SYT1: variants seen among roughly 807,000 people sequenced by gnomAD.
SYT1 encodes synaptotagmin 1, also known as synaptotagmin-1.
A neutral mutation model predicts 44.8 loss-of-function variants in SYT1; 8 were observed. That is an observed-to-expected ratio of 0.18 (90% CI 0.10 to 0.32). The LOEUF is 0.32. Among genes scored for constraint, SYT1 ranks in the 10% least tolerant of loss-of-function variants. The pLI is 1.00. For missense variants in SYT1, 286 were observed against 509.3 expected (o/e 0.56, Z 4.22); for synonymous variants, 154 against 188.8 (o/e 0.82, Z 1.51).
chr12:79,093,717 A>G lies in SYT1; in HGVS notation c.-18+46355A>G, dbSNP rs553825516. On this transcript the variant is annotated intron_variant, in intron 3 of 10. Transcript: ENST00000261205. ...TAAACTAGAATAATTATTTTTCTTC[A>G]ACAACAAAAAATCCTTATGCCTTCC... 4.6e-4 allele frequency among the ~76,000 whole-genome samples: 70 copies of G among 151,644 alleles called. No homozygotes were observed. The South Asian group carries it at 0.013, about 29-fold the overall frequency.
At chr12:78,877,478 C>G (rs1192123470) in intron 1 of SYT1, among the ~76,000 whole-genome samples, 2 of 151,558 alleles carry the variant, frequency 1.3e-5, no homozygotes, top group African/African-American at 4.8e-5. Flanking sequence ...TCCAGTAACT[C>G]TATATTTTCT....
intron 9 of SYT1, among the ~76,000 whole-genome samples, chr12:79,384,653 C>T (rs1177231357): frequency 6.6e-6 from 1 of 152,138 alleles, no homozygotes; most frequent in Non-Finnish European, 1.5e-5. Context: ...TTGACACTCT[C>T]ACCTGGGAGA....
At chr12:79,382,821 A>G (rs1054345360) in intron 9 of SYT1, among the ~76,000 whole-genome samples, 1 of 152,214 alleles carries the variant, frequency 6.6e-6, no homozygotes, top group Non-Finnish European at 1.5e-5. Context: ...ATAAAAATAT[A>G]GTGCAGTCCC....
intron 3 of SYT1, among the ~76,000 whole-genome samples, chr12:79,082,237 T>C (rs1359487821): frequency 6.6e-6 from 1 of 152,196 alleles, no homozygotes; most frequent in Non-Finnish European, 1.5e-5. Context: ...AAAATGTTTG[T>C]GGGTTGGTGT....
At chr12:78,948,167 T>C (rs1248508637) in intron 1 of SYT1, among the ~76,000 whole-genome samples, 1 of 151,750 alleles carries the variant, frequency 6.6e-6, no homozygotes, top group Non-Finnish European at 1.5e-5. Context: ...TATAACTCAG[T>C]ATATTAAAGG....
chr12:79,360,919 C>A (rs965700520), intron 9 of SYT1, among the ~76,000 whole-genome samples: 2 of 152,122 alleles, frequency 1.3e-5, no homozygotes, highest in African/African-American at 4.8e-5. Flanking sequence ...GCACAGTTAT[C>A]CACAGAATGG....
At chr12:79,157,698 C>T (rs1870688140) in intron 3 of SYT1, among the ~76,000 whole-genome samples, 1 of 152,120 alleles carries the variant, frequency 6.6e-6, no homozygotes, top group Admixed American at 6.6e-5. Flanking sequence ...GAAAGACTGG[C>T]TTTATAATTG....
At chr12:79,064,981 A>AAAGG (rs1875717655) in intron 3 of SYT1, among the ~76,000 whole-genome samples, 1 of 147,180 alleles carries the variant, frequency 6.8e-6, no homozygotes, top group Non-Finnish European at 1.5e-5. Context: ...AGAAAGAAAG[A>AAAGG]AAGAAAGAAA....
chr12:78,885,435 T>C (rs1874694181), intron 1 of SYT1, among the ~76,000 whole-genome samples: 2 of 151,894 alleles, frequency 1.3e-5, no homozygotes, highest in Admixed American at 6.6e-5. Flanking sequence ...ATAAGCTTTA[T>C]TTTCATGATT....
At chr12:79,269,857 G>A (rs980126689) in intron 4 of SYT1, among the ~76,000 whole-genome samples, 2 of 152,118 alleles carry the variant, frequency 1.3e-5, no homozygotes, top group Non-Finnish European at 1.5e-5. Context: ...CCAAGAATTG[G>A]TAGTCTTTGA....
At chr12:79,075,135 T>G (rs1876555328) in intron 3 of SYT1, among the ~76,000 whole-genome samples, 1 of 152,184 alleles carries the variant, frequency 6.6e-6, no homozygotes, top group African/African-American at 2.4e-5. Context: ...ATATGTCTAA[T>G]CTCTTTAATT....
At chr12:79,277,499 A>G (rs1019740171) in intron 4 of SYT1, among the ~76,000 whole-genome samples, 3 of 152,182 alleles carry the variant, frequency 2.0e-5, no homozygotes. Context: ...GACTACCTCT[A>G]CAAGAAATGC....
At chr12:79,335,676 A>G (rs984312885) in intron 8 of SYT1, among the ~76,000 whole-genome samples, 2 of 151,680 alleles carry the variant, frequency 1.3e-5, no homozygotes, top group Admixed American at 6.6e-5. Context: ...CCCAATGACA[A>G]CCTCTTTTTA....
At chr12:79,125,451 CAAAAA>C (rs61296536) in intron 3 of SYT1, among the ~76,000 whole-genome samples, 2 of 99,042 alleles carry the variant, frequency 2.0e-5, no homozygotes, top group African/African-American at 7.7e-5. Flanking sequence ...ACTGTCTCTA[CAAAAA>C]AAAAAAAAAA....
At position 79,449,652 on chromosome 12, in the gene SYT1, TC is replaced by T. The variant is rs1330949557; in HGVS notation, c.*529del. On this transcript the variant is annotated 3_prime_UTR_variant, in exon 11 of 11. Coordinates refer to ENST00000261205, the MANE Select transcript of SYT1 (RefSeq NM_005639.3). ...TAAAGGACAACTTAAACCTGAGCTT[TC>T]TATTGAATCATTTGAGTACCAAGAT... 2 of 152,772 alleles carry T rather than the reference TC, an allele frequency of 1.3e-5. No homozygotes were observed. The highest frequency in any genetic ancestry group is 2.9e-5 in the Non-Finnish European group (2 of 68,272). 9.5% of individuals were successfully genotyped at this position (152,772 alleles called of 1,614,324 possible).
chr12:79,262,639 G>A (rs1317901552), intron 4 of SYT1, among the ~76,000 whole-genome samples: 1 of 152,050 alleles, frequency 6.6e-6, no homozygotes, highest in Non-Finnish European at 1.5e-5. Context: ...TAGGAAAATG[G>A]GGGTGCCAAC....
intron 3 of SYT1, among the ~76,000 whole-genome samples, chr12:79,060,454 G>A (rs1422760180): frequency 1.3e-5 from 2 of 151,802 alleles, no homozygotes; most frequent in African/African-American, 4.8e-5. Flanking sequence ...GTGAAACTCC[G>A]TACATATTAA....
intron 1 of SYT1, among the ~76,000 whole-genome samples, chr12:78,904,056 C>G (rs993867642): frequency 6.6e-6 from 1 of 151,920 alleles, no homozygotes; most frequent in African/African-American, 2.4e-5. Context: ...ATTTAAACAG[C>G]TATATATCAT....
chr12:79,136,356 A>T (rs955626697), intron 3 of SYT1, among the ~76,000 whole-genome samples: 2 of 152,212 alleles, frequency 1.3e-5, no homozygotes, highest in African/African-American at 4.8e-5. Flanking sequence ...AACATTCAAG[A>T]TTCATTAGCT....
Sources: allele counts gnomAD v4.1 joint callset (sites outside exome capture counted in the v4.1 genomes callset), GRCh38; gene constraint gnomAD v4.1.1; transcripts MANE v1.5; gene names NCBI Gene and HGNC (gene_info 2026-07-23, HGNC 2026-07-21).